PNPLA6: variants seen among roughly 807,000 people sequenced by gnomAD.
PNPLA6 encodes patatin-like phospholipase domain-containing protein 6.
Under a neutral mutation model 153.7 loss-of-function variants are expected in PNPLA6, and 105 were observed. The ratio of observed to expected loss-of-function variants is 0.68; its 90% CI spans 0.58 to 0.80. The LOEUF is 0.80. PNPLA6 is among the 30% of genes least tolerant of loss of function. PNPLA6 has a pLI of 0.00. For missense variants in PNPLA6, 1,423 were observed against 1,919.3 expected (o/e 0.74, Z 4.83); for synonymous variants, 825 against 822.2 (o/e 1.00, Z -0.06).
intron 3 of PNPLA6, 68 bp from the exon 4 acceptor site, chr19:7,539,850 G>A (rs2023045925): frequency 9.3e-7 from 1 of 1,074,198 alleles, no homozygotes; most frequent in East Asian, 2.6e-5. Flanking sequence ...GGGGTATGCG[G>A]GGGTCTTAGG....
At chr19:7,546,746 A>G (rs1014044888) in intron 13 of PNPLA6, among the ~76,000 whole-genome samples, 4 of 151,906 alleles carry the variant, frequency 2.6e-5, no homozygotes, top group African/African-American at 9.7e-5. Context: ...TATTTTATTT[A>G]TTTTTTTAAA....
chr19:7,549,736 C>T, intron 13 of PNPLA6, 171 bp from the exon 14 acceptor site: 1 of 679,606 alleles, frequency 1.5e-6, no homozygotes, highest in Non-Finnish European at 2.6e-6. Context: ...ATCCCCCCTG[C>T]CTGGCCTCCC....
chr19:7,537,754 G>A (rs149314918), intron 3 of PNPLA6, among the ~76,000 whole-genome samples: 198 of 152,266 alleles, frequency 1.3e-3, no homozygotes, highest in African/African-American at 4.5e-3. Flanking sequence ...AGATTCTCCT[G>A]CCTCAGCCTC....
chr19:7,539,308 T>C (rs966342602), intron 3 of PNPLA6, among the ~76,000 whole-genome samples: 1 of 151,962 alleles, frequency 6.6e-6, no homozygotes, highest in African/African-American at 2.4e-5. Context: ...GGAAACCTCA[T>C]CTCTACTAAA....
In PNPLA6 at chr19:7,556,434, T is replaced by C. The variant is rs752060823; in HGVS notation, c.3094-19T>C. On this transcript the variant is annotated intron_variant, in intron 24 of 31. Transcript: ENST00000600737. ...CCCATGTAACTCCTATTTGACCCTG[T>C]CTGGCCCCTTGTCCCTAGAGCATGA... 2 of 1,502,240 alleles carry C rather than the reference T, an allele frequency of 1.3e-6. No individual in the cohort carries two copies. Among genetic ancestry groups the C allele is most frequent in the Non-Finnish European group, 1.9e-6 (2 of 1,077,958 alleles). 93.1% of individuals were successfully genotyped at this position (1,502,240 alleles called of 1,614,324 possible). A position where few individuals can be genotyped will look rare whatever the true frequency, so the allele number is the denominator to read the frequency against.
chr19:7,555,864 A>G lies in PNPLA6; in HGVS notation c.3093+101A>G. 8.0e-7 allele frequency: 1 copy of G among 1,247,914 alleles called. No homozygotes were observed. The highest frequency in any genetic ancestry group is 2.4e-5 in the East Asian group (1 of 42,492). The allele number at this position is 1,247,914 out of a possible 1,614,324, so 77.3% of individuals were successfully genotyped here. A position where few individuals can be genotyped will look rare whatever the true frequency, so the allele number is the denominator to read the frequency against. ...TGGGGGAGCCTCCGGGGTCAGGGTGACCCTTCCTGATTAAATCTATGATCC... is the reference window on the plus strand; with the variant it reads ...TGGGGGAGCCTCCGGGGTCAGGGTGGCCCTTCCTGATTAAATCTATGATCC... On this transcript the variant is annotated intron_variant, in intron 24 of 31. Coordinates refer to ENST00000600737, the MANE Select transcript of PNPLA6 (RefSeq NM_001166114.2). The surrounding 1 kb of genome is among the most constrained non-coding windows in gnomAD (Gnocchi z 6.3).
Position 7,540,178 on chromosome 19 carries a change from T to G in PNPLA6, c.584T>G (p.Phe195Cys), listed in dbSNP as rs1457152564. The G allele has an allele frequency of 6.2e-7, 1 of 1,610,958 alleles. No individual in the cohort carries two copies. The highest frequency in any genetic ancestry group is 8.5e-7 in the Non-Finnish European group (1 of 1,180,002). ...RVLGHFEKPL[F>C]LELCRHMVFQ... ...CTGGGCCACTTCGAGAAGCCACTCT[T>G]CCTGGAGCTCTGCCGCCACATGGTC... Residue 195 changes from phenylalanine to cysteine, a missense_variant, in exon 5 of 32, where the codon TTC (phenylalanine) becomes TGC (cysteine). Phe to Cys is a radical substitution (Grantham distance 205). Around this residue, in one of 10 missense-constraint regions of PNPLA6, gnomAD observed 74 missense variants for 171.3 expected, o/e 0.43. Coordinates refer to ENST00000600737, the MANE Select transcript of PNPLA6 (RefSeq NM_001166114.2). The surrounding 1 kb of genome is among the most constrained non-coding windows in gnomAD (Gnocchi z 6.8).
chr19:7,561,510 G>A lies in PNPLA6; in HGVS notation c.4046G>A (p.Arg1349Gln), dbSNP rs368661376. The A allele has an allele frequency of 3.8e-5, 61 of 1,608,784 alleles. No homozygotes were observed. Among genetic ancestry groups the A allele is most frequent in the Non-Finnish European group, 4.8e-5 (57 of 1,178,368 alleles). ...CAGGAGGAGGAGAAGTCGATTCTCC[G>A]GCAACGACGCTGTCTGCCCCAGGAG... ...SEMEEEKSILRQRRCLPQEPP... is the reference protein window; with the variant it reads ...SEMEEEKSILQQRRCLPQEPP... Residue 1349 changes from arginine (R) to glutamine (Q), a missense_variant, in exon 32 of 32, where the codon CGG (arginine) becomes CAG (glutamine). Physicochemically the swap from Arg to Gln is conservative, Grantham distance 43 (BLOSUM62 1). Coordinates refer to ENST00000600737, the MANE Select transcript of PNPLA6 (RefSeq NM_001166114.2).
chr19:7,535,826 C>CG lies in PNPLA6; in HGVS notation c.43dup (p.Ala15GlyfsTer148), dbSNP rs1568403627. On this transcript the variant is annotated frameshift_variant, in exon 1 of 32. Coordinates refer to ENST00000600737, the MANE Select transcript of PNPLA6 (RefSeq NM_001166114.2). LOFTEE classifies it high-confidence loss of function. This position sits in a 1 kb window ranked among gnomAD's most constrained non-coding sequence, Gnocchi z 5.0. The stretch of plus-strand genomic sequence containing the variant: ...AGTCACGGGCTGGCTACGAACTCCT[C>CG]GGGGGCGAAGGTGGCGGAGAGGGAT... The CG allele has an allele frequency of 6.5e-7, 1 of 1,536,964 alleles. No individual in the cohort carries two copies. Among genetic ancestry groups the CG allele is most frequent in the Non-Finnish European group, 8.7e-7 (1 of 1,146,814 alleles).
At chr19:7,535,610 G>A (rs768318520), upstream of PNPLA6, 8 of 1,592,944 alleles carry the variant, frequency 5.0e-6, no homozygotes, top group South Asian at 2.3e-5. The surrounding 1 kb of genome is among the most constrained non-coding windows in gnomAD (Gnocchi z 5.0). Context: ...GGTAGGTGCC[G>A]GCGTGGGGCG....
intron 27 of PNPLA6, 137 bp downstream of exon 27, chr19:7,557,421 C>T (rs1288763911): frequency 1.3e-5 from 9 of 699,794 alleles, no homozygotes; most frequent in Non-Finnish European, 1.8e-5. Flanking sequence ...GACACACATG[C>T]GCACACATAC....
Position 7,550,121 on chromosome 19 carries a change from G to T in PNPLA6, c.1814+9G>T. The T allele has an allele frequency of 1.2e-6, 2 of 1,613,924 alleles. No individual in the cohort carries two copies. The highest frequency in any genetic ancestry group is 1.7e-6 in the Non-Finnish European group (2 of 1,179,968). ...AAGTCCGACTTCTATGAGTATGACA[G>T]CCCGAAGTTGGAGTGTGGGTGGCAC... is the stretch of plus-strand genomic sequence containing the variant. On this transcript the variant is annotated intron_variant, in intron 14 of 31. Coordinates refer to ENST00000600737, the MANE Select transcript of PNPLA6 (RefSeq NM_001166114.2).
rs1170453303 is a variant in PNPLA6 at position 7,555,140 on chromosome 19, G to C, written c.2817+65G>C. 2.6e-6 allele frequency: 4 copies of C among 1,555,938 alleles called. No homozygotes were observed. Among genetic ancestry groups the C allele is most frequent in the Middle Eastern group, 1.7e-4 (1 of 5,988 alleles). ...TGGTGGGCGAGGCTTGGGAGACTGG[G>C]GCGGGGCCTGGGAGGGCTGAGGACA... On this transcript the variant is annotated intron_variant, in intron 22 of 31. Coordinates refer to ENST00000600737, the MANE Select transcript of PNPLA6 (RefSeq NM_001166114.2). The surrounding 1 kb of genome is among the most constrained non-coding windows in gnomAD (Gnocchi z 6.3).
chr19:7,544,656 C>G (rs1419292977), intron 13 of PNPLA6, among the ~76,000 whole-genome samples: 1 of 151,962 alleles, frequency 6.6e-6, no homozygotes, highest in East Asian at 1.9e-4. Context: ...CTGCCCCAGG[C>G]TTGGGGGAGA....
intron 13 of PNPLA6, among the ~76,000 whole-genome samples, chr19:7,548,470 G>A (rs2023484037): frequency 6.6e-6 from 1 of 151,740 alleles, no homozygotes; most frequent in Non-Finnish European, 1.5e-5. Context: ...GGCCAAATTC[G>A]AAGCCATCCT....
Position 7,535,737 on chromosome 19 carries a change from T to C in PNPLA6, c.-52T>C, listed in dbSNP as rs938549294. 12 of 1,519,522 alleles carry C rather than the reference T, an allele frequency of 7.9e-6. No homozygotes were observed. Among genetic ancestry groups the C allele is most frequent in the Admixed American group, 2.0e-5 (1 of 50,502 alleles). The allele number at this position is 1,519,522 out of a possible 1,614,324, so 94.1% of individuals were successfully genotyped here. A position where few individuals can be genotyped will look rare whatever the true frequency, so the allele number is the denominator to read the frequency against. On this transcript the variant is annotated 5_prime_UTR_variant, in exon 1 of 32. Coordinates refer to ENST00000600737, the MANE Select transcript of PNPLA6 (RefSeq NM_001166114.2). This position sits in a 1 kb window ranked among gnomAD's most constrained non-coding sequence, Gnocchi z 5.0. ...GGCATGCACTGCGGGCCGCCGGGCC[T>C]CAGGGAAGAGTCGCGCCCCCGGGGA...
chr19:7,548,171 C>T (rs2023469399), intron 13 of PNPLA6, among the ~76,000 whole-genome samples: 1 of 151,674 alleles, frequency 6.6e-6, no homozygotes, highest in Admixed American at 6.6e-5. Flanking sequence ...ATGGTGAAAC[C>T]CCGTCTCTAC....
chr19:7,546,956 G>A (rs1044391497), intron 13 of PNPLA6, among the ~76,000 whole-genome samples: 3 of 151,562 alleles, frequency 2.0e-5, no homozygotes, highest in African/African-American at 7.3e-5. Context: ...CCAGGCTGGA[G>A]TGCAGTGGCG....
In PNPLA6 at chr19:7,555,053, C is replaced by T; in HGVS notation, c.2795C>T (p.Ser932Leu). Reference protein sequence around the residue: ...LHLRCPRRLFSRRSPAKLHEL... With the variant: ...LHLRCPRRLFLRRSPAKLHEL... ...CTGCGCTGTCCGCGCCGCCTCTTTT[C>T]GCGCCGCAGCCCTGCCAAGCTGGTG... Residue 932 changes from serine (S) to leucine (L), a missense_variant, in exon 22 of 32, where the codon TCG becomes TTG. Ser to Leu is a moderately radical substitution (Grantham distance 145). Transcript: ENST00000600737. The surrounding 1 kb of genome is among the most constrained non-coding windows in gnomAD (Gnocchi z 6.3). The T allele has an allele frequency of 6.3e-7, 1 of 1,592,920 alleles. No individual in the cohort carries two copies. The highest frequency in any genetic ancestry group is 8.5e-7 in the Non-Finnish European group (1 of 1,178,010).
Sources: allele counts gnomAD v4.1 joint callset (sites outside exome capture counted in the v4.1 genomes callset), GRCh38; gene constraint gnomAD v4.1.1; regional missense constraint gnomAD v4.1.1; non-coding constraint Gnocchi (gnomAD v3.1); transcripts MANE v1.5; gene names NCBI Gene and HGNC (gene_info 2026-07-23, HGNC 2026-07-21).